MAF: variants seen among roughly 807,000 people sequenced by gnomAD.
MAF encodes the protein MAF bZIP transcription factor.
In MAF, 10 loss-of-function variants were observed where a neutral mutation model predicts 22.0. The observed-to-expected ratio is 0.45, with a 90% CI of 0.28 to 0.77. The LOEUF is 0.77. Among genes scored for constraint, MAF ranks in the 30% least tolerant of loss-of-function variants. MAF has a pLI of 0.12. For missense variants in MAF, 544 were observed against 548.4 expected, an observed-to-expected ratio of 0.99 and a Z score of 0.08; for synonymous variants, 337 against 255.8, an observed-to-expected ratio of 1.32 and a Z score of -3.03.
chr16:79,386,546 T>C, the MAF span, among the ~76,000 whole-genome samples: 103,205 of 152,030 alleles, frequency 0.68, 36,515 homozygotes, highest in East Asian at 0.96. Context: ...TCCTGCTGTG[T>C]GGCCTGGCTC....
chr16:79,472,369 C>T, the MAF span, among the ~76,000 whole-genome samples: 5 of 152,182 alleles, frequency 3.3e-5, no homozygotes, highest in Non-Finnish European at 7.4e-5. Context: ...AGAAATATCC[C>T]GAATGTCCAT....
At chr16:79,248,516 G>A in the MAF span, among the ~76,000 whole-genome samples, 4 of 152,110 alleles carry the variant, frequency 2.6e-5, no homozygotes, top group Admixed American at 1.3e-4. Context: ...AATTCCCTCT[G>A]CAGAATTGTA....
At chr16:79,585,982 A>G in intron 1 of MAF, 1 of 664,396 alleles carries the variant, frequency 1.5e-6, no homozygotes, top group Non-Finnish European at 2.7e-6. Flanking sequence ...AGGGTAATTA[A>G]TAACCACGAA....
At chr16:79,220,781 A>T in the MAF span, among the ~76,000 whole-genome samples, 2 of 152,234 alleles carry the variant, frequency 1.3e-5, no homozygotes, top group Non-Finnish European at 2.9e-5. Flanking sequence ...CTGCCTACAC[A>T]GATGGCTTTT....
chr16:79,378,919 T>C, the MAF span, among the ~76,000 whole-genome samples: 1 of 152,220 alleles, frequency 6.6e-6, no homozygotes, highest in East Asian at 1.9e-4. Flanking sequence ...GGCCAACTGG[T>C]ATACATTTTT....
chr16:79,458,930 G>C, the MAF span, among the ~76,000 whole-genome samples: 1 of 152,194 alleles, frequency 6.6e-6, no homozygotes, highest in Non-Finnish European at 1.5e-5. Context: ...TGCAGGGAAA[G>C]ATGTACTTTT....
the MAF span, among the ~76,000 whole-genome samples, chr16:79,428,551 T>C: frequency 6.6e-6 from 1 of 152,128 alleles, no homozygotes; most frequent in East Asian, 1.9e-4. Flanking sequence ...CTAAAGGTCA[T>C]GGGAGGGACA....
the MAF span, among the ~76,000 whole-genome samples, chr16:79,454,867 C>T: frequency 6.6e-6 from 1 of 152,052 alleles, no homozygotes; most frequent in Non-Finnish European, 1.5e-5. Flanking sequence ...GAGGCCGAGG[C>T]AGGTGGATCA....
chr16:79,440,659 C>A, the MAF span, among the ~76,000 whole-genome samples: 2 of 152,218 alleles, frequency 1.3e-5, no homozygotes, highest in Admixed American at 1.3e-4. Context: ...GATCCACCCG[C>A]CTTGGCCTCC....
At chr16:79,437,971 C>A in the MAF span, among the ~76,000 whole-genome samples, 2 of 152,176 alleles carry the variant, frequency 1.3e-5, no homozygotes, top group African/African-American at 2.4e-5. Flanking sequence ...TTTGTGGAGA[C>A]AGGAGTCGGC....
At chr16:79,575,102 C>T in the MAF span, among the ~76,000 whole-genome samples, 1 of 151,562 alleles carries the variant, frequency 6.6e-6, no homozygotes, top group Non-Finnish European at 1.5e-5. Flanking sequence ...TGAGGCACGG[C>T]ATCAATGTTT....
chr16:79,337,112 G>A, the MAF span, among the ~76,000 whole-genome samples: 1 of 152,208 alleles, frequency 6.6e-6, no homozygotes, highest in Non-Finnish European at 1.5e-5. Flanking sequence ...GCTAAGGACT[G>A]GTCGCCGCAC....
At chr16:79,428,295 A>C in the MAF span, among the ~76,000 whole-genome samples, 5 of 152,034 alleles carry the variant, frequency 3.3e-5, no homozygotes, top group Non-Finnish European at 7.3e-5. Flanking sequence ...ATCCCAGGCA[A>C]GGGCCCAGCT....
the MAF span, among the ~76,000 whole-genome samples, chr16:79,251,536 C>T: frequency 1.2e-4 from 19 of 152,012 alleles, no homozygotes; most frequent in African/African-American, 3.9e-4. Context: ...AGGTTGGTCT[C>T]GAACTCCTGA....
At chr16:79,338,697 G>T in the MAF span, among the ~76,000 whole-genome samples, 10 of 151,896 alleles carry the variant, frequency 6.6e-5, no homozygotes, top group Admixed American at 3.3e-4. Flanking sequence ...AGGGAGAGAG[G>T]GAAGATACAG....
the MAF span, among the ~76,000 whole-genome samples, chr16:79,477,378 C>G: frequency 6.6e-6 from 1 of 152,134 alleles, no homozygotes; most frequent in Non-Finnish European, 1.5e-5. Context: ...TAGGGCCAGA[C>G]GGATCAGCTT....
the MAF span, among the ~76,000 whole-genome samples, chr16:79,341,436 C>A: frequency 4.0e-4 from 61 of 152,188 alleles, no homozygotes; most frequent in Non-Finnish European, 7.6e-4. Flanking sequence ...TCATGCATCT[C>A]TTCTCAACTC....
chr16:79,471,166 C>A, the MAF span, among the ~76,000 whole-genome samples: 1 of 152,174 alleles, frequency 6.6e-6, no homozygotes, highest in Non-Finnish European at 1.5e-5. Flanking sequence ...AGGAGGCATA[C>A]CTGCAGGGTA....
At chr16:79,571,383 A>G in the MAF span, among the ~76,000 whole-genome samples, 2 of 152,078 alleles carry the variant, frequency 1.3e-5, no homozygotes, top group African/African-American at 4.8e-5. Context: ...AACCGGTATG[A>G]AAACGTCTGA....
Sources: gnomAD v4.1 joint callset for allele counts (sites outside exome capture counted in the v4.1 genomes callset) on GRCh38, gnomAD v4.1.1 for gene constraint, MANE v1.5 for transcripts, NCBI Gene and HGNC (gene_info 2026-07-23, HGNC 2026-07-21) for gene names.